The following CSMD1 variants were observed in gnomAD, a reference collection of about 807,000 sequenced individuals.
CSMD1 encodes CUB and Sushi multiple domains 1.
Under a neutral mutation model 417.5 loss-of-function variants are expected in CSMD1, and 213 were observed. That is an observed-to-expected ratio of 0.51 (90% CI 0.46 to 0.57). CSMD1 has a LOEUF of 0.57. Ranked by LOEUF, CSMD1 falls within the 20% of genes least tolerant of loss-of-function variation. CSMD1 has a pLI of 0.00. For synonymous variants in CSMD1, 2,862 were observed against 1,736.8 expected, an observed-to-expected ratio of 1.65 and a Z score of -16.11; for missense variants, 6,923 against 4,529.7, an observed-to-expected ratio of 1.53 and a Z score of -15.17.
intron 3 of CSMD1, among the ~76,000 whole-genome samples, chr8:4,041,528 A>C (rs988866507): frequency 5.3e-5 from 8 of 152,174 alleles, no homozygotes; most frequent in Admixed American, 6.5e-5. Flanking sequence ...ATGTTCAAGA[A>C]TATTTATGGG....
At chr8:3,295,858 C>G (rs62504374) in intron 25 of CSMD1, among the ~76,000 whole-genome samples, 1 of 152,130 alleles carries the variant, frequency 6.6e-6, no homozygotes, top group Non-Finnish European at 1.5e-5. Flanking sequence ...ATAAGACGTT[C>G]CCTTTTTGAT....
chr8:4,000,245 T>C (rs1274728145), intron 4 of CSMD1, among the ~76,000 whole-genome samples: 1 of 151,942 alleles, frequency 6.6e-6, no homozygotes, highest in African/African-American at 2.4e-5. Context: ...CCGCCCTCCG[T>C]GGACACCACT....
At chr8:3,772,648 TAC>T (rs1798677787) in intron 5 of CSMD1, among the ~76,000 whole-genome samples, 2 of 145,836 alleles carry the variant, frequency 1.4e-5, no homozygotes, top group African/African-American at 2.5e-5. Flanking sequence ...TATACATATA[TAC>T]ATATATACAT....
intron 3 of CSMD1, among the ~76,000 whole-genome samples, chr8:4,201,791 C>G (rs1277695623): frequency 2.0e-5 from 3 of 151,354 alleles, no homozygotes; most frequent in African/African-American, 4.9e-5. Context: ...TGTACCTAAC[C>G]TCCTGCACGA....
At chr8:4,147,445 G>C (rs941561592) in intron 3 of CSMD1, among the ~76,000 whole-genome samples, 39 of 152,152 alleles carry the variant, frequency 2.6e-4, no homozygotes, top group Middle Eastern at 3.4e-3. Context: ...CTTCTGGAAA[G>C]TCCCACGCCT....
intron 7 of CSMD1, among the ~76,000 whole-genome samples, chr8:3,688,229 G>T (rs1471429966): frequency 6.6e-6 from 1 of 152,216 alleles, no homozygotes; most frequent in Non-Finnish European, 1.5e-5. Context: ...GGGCAAAGAT[G>T]ATAGTATAAT....
chr8:4,164,671 G>A (rs1251824443), intron 3 of CSMD1, among the ~76,000 whole-genome samples: 1 of 152,082 alleles, frequency 6.6e-6, no homozygotes, highest in African/African-American at 2.4e-5. Flanking sequence ...TGAATTTTGA[G>A]AATATAAGAT....
chr8:3,666,390 T>C (rs1056266641), intron 7 of CSMD1, among the ~76,000 whole-genome samples: 2 of 152,164 alleles, frequency 1.3e-5, no homozygotes, highest in Admixed American at 6.5e-5. Flanking sequence ...AAGTAATTGA[T>C]TAAAAATTTG....
intron 1 of CSMD1, among the ~76,000 whole-genome samples, chr8:4,699,682 A>T (rs1333826771): frequency 2.0e-5 from 3 of 152,210 alleles, no homozygotes; most frequent in African/African-American, 7.2e-5. Context: ...CATCATCCGT[A>T]CATATGATTT....
At chr8:4,467,146 A>G (rs1044563507) in intron 2 of CSMD1, among the ~76,000 whole-genome samples, 3 of 151,744 alleles carry the variant, frequency 2.0e-5, no homozygotes, top group African/African-American at 7.2e-5. Flanking sequence ...AAAAAGAAAA[A>G]AAAAGAAAAA....
At chr8:4,398,534 C>A (rs1294184286) in intron 3 of CSMD1, among the ~76,000 whole-genome samples, 1 of 151,770 alleles carries the variant, frequency 6.6e-6, no homozygotes, top group Non-Finnish European at 1.5e-5. Context: ...GGTGGGACTA[C>A]AGGCGCCCGC....
chr8:4,056,109 T>G lies in CSMD1; in HGVS notation c.416-24010A>C, dbSNP rs1384409889. On this transcript the variant is annotated intron_variant, in intron 3 of 69. Coordinates refer to ENST00000635120, the MANE Select transcript of CSMD1 (RefSeq NM_033225.6). ...TTTTTTTTTTTTTTTTGAGACAGAG[T>G]CTCACTTTGTCACCCAAGCTGCAAT... Among the ~76,000 whole-genome samples, 8 of 114,830 alleles carry G rather than the reference T, an allele frequency of 7.0e-5. No homozygotes were observed. The Admixed American group carries it at 1.0e-3, about 15-fold the overall frequency. 75.3% of individuals were successfully genotyped at this position (114,830 alleles called of 152,430 possible).
At chr8:4,098,357 T>G (rs895678481) in intron 3 of CSMD1, among the ~76,000 whole-genome samples, 2 of 152,130 alleles carry the variant, frequency 1.3e-5, no homozygotes, top group Admixed American at 1.3e-4. Flanking sequence ...AGTGTTGATC[T>G]TCACTATTTT....
intron 42 of CSMD1, among the ~76,000 whole-genome samples, chr8:3,111,048 A>T (rs1585377208): frequency 6.6e-6 from 1 of 152,194 alleles, no homozygotes; most frequent in Non-Finnish European, 1.5e-5. Context: ...TTAAATATTC[A>T]TATAGTGCAT....
chr8:4,261,792 T>A (rs1240266469), intron 3 of CSMD1, among the ~76,000 whole-genome samples: 1 of 152,150 alleles, frequency 6.6e-6, no homozygotes, highest in East Asian at 1.9e-4. Context: ...AGTTTGATAA[T>A]GGTAATCATT....
At position 4,214,866 on chromosome 8, in the gene CSMD1, G is replaced by C. The variant is rs145949844; in HGVS notation, c.416-182767C>G. Among the ~76,000 whole-genome samples the C allele has an allele frequency of 5.6e-3, 849 of 151,394 alleles. 7 individuals are homozygous for C. Among genetic ancestry groups the C allele is most frequent in the African/African-American group, 0.02 (822 of 41,422 alleles). Reference sequence around the variant, plus strand: ...ACTATGACCACCAGGTTTAGATAGCGTTTTTTTAAAAAAATGTATATTCTT... The same window carrying C: ...ACTATGACCACCAGGTTTAGATAGCCTTTTTTTAAAAAAATGTATATTCTT... On this transcript the variant is annotated intron_variant, in intron 3 of 69. Transcript: ENST00000635120.
intron 1 of CSMD1, among the ~76,000 whole-genome samples, chr8:4,774,286 T>C (rs1796737546): frequency 6.6e-6 from 1 of 152,226 alleles, no homozygotes; most frequent in African/African-American, 2.4e-5. Context: ...CAGTGCAGTT[T>C]GAATCTTACT....
chr8:3,775,933 G>A (rs554262852), intron 5 of CSMD1, among the ~76,000 whole-genome samples: 1 of 152,270 alleles, frequency 6.6e-6, no homozygotes, highest in South Asian at 2.1e-4. Flanking sequence ...GGATGTGAAT[G>A]CCACCTATAT....
chr8:3,732,407 G>T (rs143187727), intron 6 of CSMD1, among the ~76,000 whole-genome samples: 3 of 152,206 alleles, frequency 2.0e-5, no homozygotes, highest in Admixed American at 2.0e-4. Flanking sequence ...ACCCTTCAAT[G>T]AAATTAATAA....
Sources: gnomAD v4.1 joint callset for allele counts (sites outside exome capture counted in the v4.1 genomes callset) on GRCh38, gnomAD v4.1.1 for gene constraint, MANE v1.5 for transcripts, NCBI Gene and HGNC (gene_info 2026-07-23, HGNC 2026-07-21) for gene names.